PCDHA13: variants seen among roughly 807,000 people sequenced by gnomAD.
PCDHA13 encodes the protein protocadherin alpha-13.
A neutral mutation model predicts 64.8 loss-of-function variants in PCDHA13; 54 were observed. That is an observed-to-expected ratio of 0.83 (90% CI 0.67 to 1.04). The LOEUF (loss-of-function observed/expected upper bound fraction) is 1.04, where lower values mean the gene tolerates loss of function less well. PCDHA13 is among the 50% of genes least tolerant of loss of function. The pLI, the probability that PCDHA13 is intolerant of heterozygous loss-of-function variation, is 0.00. For synonymous variants in PCDHA13, 587 were observed against 564.4 expected, an observed-to-expected ratio of 1.04 and a Z score of -0.57; for missense variants, 1,248 against 1,254.3, an observed-to-expected ratio of 0.99 and a Z score of 0.08.
intron 1 of PCDHA13, chr5:140,969,293 C>T: frequency 6.2e-7 from 1 of 1,614,188 alleles, no homozygotes; most frequent in Admixed American, 1.7e-5. Flanking sequence ...TGCTGGGAAC[C>T]TGATTATTCT....
At chr5:140,918,331 G>A (rs1429617568) in intron 1 of PCDHA13, among the ~76,000 whole-genome samples, 1 of 152,114 alleles carries the variant, frequency 6.6e-6, no homozygotes, top group Non-Finnish European at 1.5e-5. Context: ...TATATTGTCT[G>A]CTAAGAGAGA....
intron 1 of PCDHA13, among the ~76,000 whole-genome samples, chr5:140,937,181 G>A (rs573153234): frequency 5.3e-5 from 8 of 151,984 alleles, no homozygotes; most frequent in African/African-American, 1.9e-4. Context: ...GGGACTACAG[G>A]CGCCCGCCAC....
chr5:140,901,493 G>A (rs1407022584), intron 1 of PCDHA13, among the ~76,000 whole-genome samples: 7 of 152,016 alleles, frequency 4.6e-5, no homozygotes, highest in Admixed American at 3.9e-4. Flanking sequence ...CACCTTCATC[G>A]AAAATGAGTT....
rs144770143 is a variant in PCDHA13 at position 140,947,157 on chromosome 5, G to A, written c.2395-31792G>A. Among the ~76,000 whole-genome samples the A allele has an allele frequency of 6.6e-3, 992 of 151,208 alleles. 6 individuals are homozygous for A. The highest frequency in any genetic ancestry group is 0.022 in the African/African-American group (913 of 41,346). ...TAAAATGTATAGTTACTTCCACGGG[G>A]TAGAAAATGTGGTATATATTCATGG... On this transcript the variant is annotated intron_variant, in intron 1 of 3. Transcript: ENST00000289272.
Position 140,927,170 on chromosome 5 carries a change from G to A in PCDHA13, c.2394+42508G>A, listed in dbSNP as rs370656989. The A allele has an allele frequency of 2.6e-5, 42 of 1,614,048 alleles. No individual in the cohort carries two copies. The highest frequency in any genetic ancestry group is 3.5e-5 in the Non-Finnish European group (41 of 1,180,042). On this transcript the variant is annotated intron_variant, in intron 1 of 3. Coordinates refer to ENST00000289272, the MANE Select transcript of PCDHA13 (RefSeq NM_018904.3). Reference sequence around the variant, plus strand: ...CAGCTGTGCAGGGCCAAAGCTGCCTGCGTCTTGACCTACGACCTGGTGCTC... The same window carrying A: ...CAGCTGTGCAGGGCCAAAGCTGCCTACGTCTTGACCTACGACCTGGTGCTC...
rs2059946002 is a variant in PCDHA13, at chr5:140,884,022, T to G, written c.1754T>G (p.Val585Gly). Residue 585 changes from valine (V) to glycine (G), a missense_variant, in exon 1 of 4, where the codon GTG becomes GGG. Physicochemically the swap from Val to Gly is moderately radical, Grantham distance 109. Transcript: ENST00000289272. ...GTGAGCGAGCTGATGCCGCGGTCGG[T>G]GGGTGCAGGCCACGTGGTGGCGAAG... ...GTVSELMPRS[V>G]GAGHVVAKVR... 1 of 1,613,028 alleles carries G rather than the reference T, an allele frequency of 6.2e-7. No homozygotes were observed. Among genetic ancestry groups the G allele is most frequent in the Non-Finnish European group, 8.5e-7 (1 of 1,179,600 alleles).
chr5:141,010,146 C>T lies in PCDHA13; in HGVS notation c.*209C>T. 2 of 1,584,410 alleles carry T rather than the reference C, an allele frequency of 1.3e-6. No homozygotes were observed. Among genetic ancestry groups the T allele is most frequent in the Non-Finnish European group, 1.7e-6 (2 of 1,164,258 alleles). On this transcript the variant is annotated 3_prime_UTR_variant, in exon 4 of 4. Coordinates refer to ENST00000289272, the MANE Select transcript of PCDHA13 (RefSeq NM_018904.3). ...TAAGTCTGGTGTTAACTCTTTCTCTCCACTCTGGCTTGTTTTCAGAACCTA... is the reference window on the plus strand; with the variant it reads ...TAAGTCTGGTGTTAACTCTTTCTCTTCACTCTGGCTTGTTTTCAGAACCTA...
At chr5:141,007,299 T>C (rs550659664) in intron 3 of PCDHA13, among the ~76,000 whole-genome samples, 9 of 151,686 alleles carry the variant, frequency 5.9e-5, no homozygotes, top group African/African-American at 2.2e-4. Context: ...GCCTGTAATC[T>C]TAGCATTTTG....
chr5:140,887,643 T>C (rs1392264032), intron 1 of PCDHA13, among the ~76,000 whole-genome samples: 2 of 152,148 alleles, frequency 1.3e-5, no homozygotes, highest in African/African-American at 4.8e-5. Flanking sequence ...TTGGGGTTTG[T>C]TGATATTCTT....
intron 1 of PCDHA13, chr5:140,926,750 G>T: frequency 8.0e-7 from 1 of 1,256,516 alleles, no homozygotes; most frequent in East Asian, 2.9e-5. Context: ...AACGTCGGCG[G>T]TCGCTGAGTA....
intron 3 of PCDHA13, among the ~76,000 whole-genome samples, chr5:140,993,092 G>A (rs1441562927): frequency 6.6e-6 from 1 of 152,222 alleles, no homozygotes; most frequent in East Asian, 1.9e-4. Flanking sequence ...GCAGGGCTAT[G>A]TTTATTCAGC....
intron 3 of PCDHA13, among the ~76,000 whole-genome samples, chr5:141,008,048 G>A (rs2098358764): frequency 1.3e-5 from 2 of 151,972 alleles, no homozygotes; most frequent in South Asian, 4.2e-4. Flanking sequence ...TTTGTAACAG[G>A]GGTCCAGTCC....
rs782026771 is a variant in PCDHA13, at chr5:140,884,512, G to T, written c.2244G>T (p.Trp748Cys). 6.2e-7 allele frequency: 1 copy of T among 1,614,202 alleles called. No individual in the cohort carries two copies. Among genetic ancestry groups the T allele is most frequent in the South Asian group, 1.1e-5 (1 of 91,080 alleles). Residue 748 changes from tryptophan to cysteine, a missense_variant, in exon 1 of 4, where the codon TGG (tryptophan) becomes TGT (cysteine). Physicochemically the swap from Trp to Cys is radical, Grantham distance 215. Transcript: ENST00000289272. The part of the protein sequence containing the change: ...TLVCSSAAGS[W>C]SYSQQRRPRV... ...TGTGCTCCAGCGCGGCAGGGAGTTG[G>T]TCGTACTCGCAGCAGAGGCGGCCGA...
intron 3 of PCDHA13, among the ~76,000 whole-genome samples, chr5:141,006,384 T>G (rs181638891): frequency 6.6e-6 from 1 of 152,126 alleles, no homozygotes; most frequent in African/African-American, 2.4e-5. Flanking sequence ...GCTAAGTTTT[T>G]TCTATTTTTT....
intron 1 of PCDHA13, among the ~76,000 whole-genome samples, chr5:140,978,557 T>C (rs1262121525): frequency 6.6e-6 from 1 of 152,246 alleles, no homozygotes; most frequent in Non-Finnish European, 1.5e-5. Flanking sequence ...TGCCCTGTTA[T>C]AGCTGTAATA....
chr5:140,996,135 C>T (rs2097713564), intron 3 of PCDHA13, among the ~76,000 whole-genome samples: 1 of 152,140 alleles, frequency 6.6e-6, no homozygotes, highest in Non-Finnish European at 1.5e-5. Flanking sequence ...AGAGGGTTCT[C>T]CCATTATCTT....
intron 3 of PCDHA13, among the ~76,000 whole-genome samples, chr5:140,998,139 G>C (rs1354714500): frequency 2.0e-5 from 3 of 152,176 alleles, no homozygotes; most frequent in Non-Finnish European, 4.4e-5. Flanking sequence ...TAGCTAACCT[G>C]TACTGAACAG....
chr5:140,912,918 G>A (rs1302662045), intron 1 of PCDHA13, among the ~76,000 whole-genome samples: 16 of 152,284 alleles, frequency 1.1e-4, no homozygotes, highest in Middle Eastern at 3.4e-3. Flanking sequence ...ATTGATTTGT[G>A]TATGTTGAAT....
At chr5:140,971,958 C>CT (rs1176007834) in intron 1 of PCDHA13, among the ~76,000 whole-genome samples, 3 of 152,054 alleles carry the variant, frequency 2.0e-5, no homozygotes, top group African/African-American at 4.8e-5. Context: ...ACTCCAAAAA[C>CT]TTTTTTTCAA....
Sources: gnomAD v4.1 joint callset for allele counts (sites outside exome capture counted in the v4.1 genomes callset) on GRCh38, gnomAD v4.1.1 for gene constraint, MANE v1.5 for transcripts, NCBI Gene and HGNC (gene_info 2026-07-23, HGNC 2026-07-21) for gene names.